Variants in KMT2C observed in about 807,000 individuals in gnomAD.
KMT2C encodes the protein lysine methyltransferase 2C.
KMT2C carries 88 observed loss-of-function variants against 507.9 expected under a neutral mutation model. That is an observed-to-expected ratio of 0.17 (90% CI 0.15 to 0.21). KMT2C has a LOEUF of 0.21. Among genes scored for constraint, KMT2C ranks in the 10% least tolerant of loss-of-function variants. The probability of loss-of-function intolerance (pLI) is 1.00; values close to 1 mark genes in which losing one functional copy is unlikely to be tolerated. For missense variants in KMT2C, 4,954 were observed against 5,957.8 expected (o/e 0.83, Z 5.55); for synonymous variants, 2,049 against 2,080.8 (o/e 0.98, Z 0.42).
intron 55 of KMT2C, among the ~76,000 whole-genome samples, chr7:152,142,433 C>A (rs1251950440): frequency 6.6e-6 from 1 of 152,074 alleles, no homozygotes; most frequent in Non-Finnish European, 1.5e-5. Flanking sequence ...ACCAACTAAA[C>A]AAAAAAATAG....
chr7:152,295,837 CG>C (rs1296693220), intron 6 of KMT2C, among the ~76,000 whole-genome samples: 3 of 151,954 alleles, frequency 2.0e-5, no homozygotes, highest in African/African-American at 7.3e-5. Context: ...GAGGCCGAGG[CG>C]GGCAGATCAC....
Position 152,224,074 on chromosome 7 carries a change from T to C in KMT2C, c.3264A>G (p.Pro1088=), listed in dbSNP as rs1405735574. 1.2e-5 allele frequency: 19 copies of C among 1,611,186 alleles called. No individual in the cohort carries two copies. Among genetic ancestry groups the C allele is most frequent in the Non-Finnish European group, 1.4e-5 (17 of 1,179,232 alleles). The change falls in exon 20 of 59, where the codon CCA becomes CCG. Residue 1088 remains proline, a synonymous_variant. Coordinates refer to ENST00000262189, the MANE Select transcript of KMT2C (RefSeq NM_170606.3). ...CTTCTCTATAGTTTCGATAGCAGACTGGACAGGAAGATAAGCTTGCACAAG... is the reference window on the plus strand; with the variant it reads ...CTTCTCTATAGTTTCGATAGCAGACCGGACAGGAAGATAAGCTTGCACAAG... ...CAPCASLSSC[P]VCYRNYREED...
intron 23 of KMT2C, among the ~76,000 whole-genome samples, chr7:152,216,631 T>C (rs1247640454): frequency 6.6e-6 from 1 of 152,226 alleles, no homozygotes; most frequent in African/African-American, 2.4e-5. Flanking sequence ...AAAACGTTTA[T>C]ATACTCTTTC....
intron 39 of KMT2C, among the ~76,000 whole-genome samples, chr7:152,171,946 T>C (rs1223024350): frequency 6.6e-6 from 1 of 152,228 alleles, no homozygotes; most frequent in South Asian, 2.1e-4. Context: ...TAGAGAAATG[T>C]TACTCATTCT....
intron 44 of KMT2C, chr7:152,157,742 C>T (rs749794542): frequency 5.5e-5 from 66 of 1,205,002 alleles, no homozygotes; most frequent in Admixed American, 3.6e-4. Flanking sequence ...CAAGACAACA[C>T]CTTGGCAGAG....
In KMT2C at chr7:152,238,756, A is replaced by G. The variant is rs769093565; in HGVS notation, c.2603T>C (p.Ile868Thr). 29 of 1,610,686 alleles carry G rather than the reference A, an allele frequency of 1.8e-5. No homozygotes were observed. The East Asian group carries it at 5.6e-4, about 31-fold the overall frequency. Residue 868 changes from isoleucine (I) to threonine (T), a missense_variant, in exon 15 of 59, where the codon ATT becomes ACT. Ile to Thr is a moderately conservative substitution (Grantham distance 89, BLOSUM62 -1). Around this residue, in one of 29 missense-constraint regions of KMT2C, gnomAD observed 62 missense variants for 137.2 expected, o/e 0.45. Transcript: ENST00000262189. The part of the protein sequence containing the change: ...WSPDISEGRE[I>T]FKPRQLPGSA... ...GCCAGGAAGCTGCCTGGGTTTAAAA[A>G]TTTCCCGACCTTCTGAAATGTCTGG...
Position 152,177,306 on chromosome 7 carries a change from T to C in KMT2C, c.8147A>G (p.Asp2716Gly). The C allele has an allele frequency of 6.2e-7, 1 of 1,614,094 alleles. No individual in the cohort carries two copies. The highest frequency in any genetic ancestry group is 8.5e-7 in the Non-Finnish European group (1 of 1,180,032). ...GVEVKDLDDE[D>G]LENLNLDTED... ...TGTATCTAAATTTAAGTTTTCAAGA[T>C]CTTCATCATCTAAGTCTTTGACTTC... is the stretch of plus-strand genomic sequence containing the variant. Residue 2716 changes from aspartate (D) to glycine (G), a missense_variant, in exon 38 of 59, where the codon GAT becomes GGT. Around this residue, in one of 29 missense-constraint regions of KMT2C, gnomAD observed 1,689 missense variants for 1,654.3 expected, o/e 1.02. Transcript: ENST00000262189.
In KMT2C at chr7:152,248,553, G is replaced by A. The variant is rs532309258; in HGVS notation, c.1881C>T (p.Asp627=). 1.2e-6 allele frequency: 2 copies of A among 1,613,844 alleles called. No homozygotes were observed. The highest frequency in any genetic ancestry group is 1.1e-5 in the South Asian group (1 of 91,070). ...GCTTCACTTCAGAAGACATTTTCAG[G>A]TCTTCACTATCAACTTCATTAGAAA... ...KQISNEVDSE[D]LKMSSEVKHI... The change falls in exon 14 of 59, where the codon GAC becomes GAT. Residue 627 remains aspartate (D), a synonymous_variant. Transcript: ENST00000262189.
chr7:152,361,249 T>C (rs1193690021), intron 1 of KMT2C, among the ~76,000 whole-genome samples: 1 of 152,090 alleles, frequency 6.6e-6, no homozygotes, highest in Non-Finnish European at 1.5e-5. Context: ...AGAAAGAACA[T>C]CTTTAGAATT....
intron 14 of KMT2C, among the ~76,000 whole-genome samples, chr7:152,239,597 T>A (rs574444806): frequency 6.6e-6 from 1 of 152,212 alleles, no homozygotes; most frequent in Non-Finnish European, 1.5e-5. Context: ...AAAATCTATA[T>A]AACTAAAACT....
At chr7:152,154,221 T>C (rs773053924) in intron 47 of KMT2C, 46 bp downstream of exon 47, 27 of 1,610,568 alleles carry the variant, frequency 1.7e-5, no homozygotes, top group Non-Finnish European at 5.1e-6. Context: ...CATTAGTAAA[T>C]TGGCGTAGTG....
chr7:152,188,854 C>T (rs960087411), intron 31 of KMT2C, among the ~76,000 whole-genome samples: 3 of 152,070 alleles, frequency 2.0e-5, no homozygotes, highest in African/African-American at 7.2e-5. Flanking sequence ...AGTGATCCAC[C>T]CACCTCAGCC....
intron 2 of KMT2C, among the ~76,000 whole-genome samples, chr7:152,346,743 T>C (rs1241596754): frequency 6.6e-6 from 1 of 152,172 alleles, no homozygotes; most frequent in Non-Finnish European, 1.5e-5. Flanking sequence ...GCCTTACCAA[T>C]AACATAAACA....
At chr7:152,143,917 G>A (rs2090852630) in intron 55 of KMT2C, among the ~76,000 whole-genome samples, 1 of 152,198 alleles carries the variant, frequency 6.6e-6, no homozygotes, top group African/African-American at 2.4e-5. Flanking sequence ...AGACAGCCAG[G>A]CCTGCAGTGG....
intron 1 of KMT2C, among the ~76,000 whole-genome samples, chr7:152,393,314 CAG>C (rs2097514528): frequency 6.6e-6 from 1 of 152,168 alleles, no homozygotes; most frequent in Non-Finnish European, 1.5e-5. Context: ...AAACTGATCT[CAG>C]AGTTTAAAAC....
At position 152,385,537 on chromosome 7, in the gene KMT2C, G is replaced by A. The variant is rs867366986; in HGVS notation, c.162-26862C>T. Among the ~76,000 whole-genome samples the A allele has an allele frequency of 4.5e-3, 506 of 112,130 alleles. 84 individuals are homozygous for A. Among genetic ancestry groups the A allele is most frequent in the African/African-American group, 0.027 (476 of 17,464 alleles). The allele number at this position is 112,130 out of a possible 152,430, so 73.6% of individuals were successfully genotyped here. Reference sequence around the variant, plus strand: ...TGAGGCAGGAGAATGGCGTGAACCCGGGAGGCGGAGCTTGCAGTGAGCCGA... The same window carrying A: ...TGAGGCAGGAGAATGGCGTGAACCCAGGAGGCGGAGCTTGCAGTGAGCCGA... On this transcript the variant is annotated intron_variant, in intron 1 of 58. Coordinates refer to ENST00000262189, the MANE Select transcript of KMT2C (RefSeq NM_170606.3).
At chr7:152,349,603 AAAG>A (rs1169498367) in intron 2 of KMT2C, among the ~76,000 whole-genome samples, 1 of 152,154 alleles carries the variant, frequency 6.6e-6, no homozygotes, top group African/African-American at 2.4e-5. Flanking sequence ...GAGACAGTAA[AAAG>A]AATAGTGGTT....
In KMT2C at chr7:152,136,280, C is replaced by G. The variant is rs1336583820; in HGVS notation, c.*552G>C. 4 of 216,522 alleles carry G rather than the reference C, an allele frequency of 1.8e-5. No homozygotes were observed. In the East Asian group the frequency reaches 2.8e-4, roughly 15 times the overall value. 13.4% of individuals were successfully genotyped at this position (216,522 alleles called of 1,614,324 possible). A position where few individuals can be genotyped will look rare whatever the true frequency, so the allele number is the denominator to read the frequency against. Reference sequence around the variant, plus strand: ...GCAAGTTATTATCCCTTAGCTCTATCCCTAAGGAAGTCATTTCAGTACATT... The same window carrying G: ...GCAAGTTATTATCCCTTAGCTCTATGCCTAAGGAAGTCATTTCAGTACATT... On this transcript the variant is annotated 3_prime_UTR_variant, in exon 59 of 59. Coordinates refer to ENST00000262189, the MANE Select transcript of KMT2C (RefSeq NM_170606.3).
intron 28 of KMT2C, among the ~76,000 whole-genome samples, 155 bp downstream of exon 28, chr7:152,195,752 G>C (rs917540387): frequency 6.6e-6 from 1 of 152,190 alleles, no homozygotes; most frequent in African/African-American, 2.4e-5. Flanking sequence ...CAGGAAAGCT[G>C]AGGCAGATCA....
Sources: gnomAD v4.1 joint callset for allele counts (sites outside exome capture counted in the v4.1 genomes callset) on GRCh38, gnomAD v4.1.1 for gene constraint, gnomAD v4.1.1 regional missense constraint, MANE v1.5 for transcripts, NCBI Gene and HGNC (gene_info 2026-07-23, HGNC 2026-07-21) for gene names.